Variants in BTD observed in about 807,000 individuals in gnomAD.
BTD encodes biotinidase, also known as biocytinase.
BTD carries 13 observed loss-of-function variants against 17.7 expected under a neutral mutation model. The observed-to-expected ratio is 0.74, with a 90% CI of 0.48 to 1.17. The LOEUF is 1.17. Ranked by LOEUF, BTD falls within the 50% of genes most tolerant of loss-of-function variation. The pLI is 0.00. For missense variants in BTD, 674 were observed against 650.4 expected (o/e 1.04, Z -0.39); for synonymous variants, 240 against 245.2 (o/e 0.98, Z 0.20).
rs375070785 is a variant in BTD at position 15,696,882 on chromosome 3, T to C, written c.400-13178T>C. 1.3e-4 allele frequency among the ~76,000 whole-genome samples: 20 copies of C among 152,218 alleles called. No homozygotes were observed. In the East Asian group the frequency reaches 2.7e-3, roughly 21 times the overall value. ...ACCACTATGGAAAACTGTATGGAGA[T>C]TCCTTAAGGAACAAAAAGTAACACT... On this transcript the variant is annotated intron_variant, in intron 3 of 3. Transcript: ENST00000672141.
intron 3 of BTD, among the ~76,000 whole-genome samples, chr3:15,688,506 T>C (rs1381240601): frequency 6.6e-6 from 1 of 152,224 alleles, no homozygotes; most frequent in Non-Finnish European, 1.5e-5. Flanking sequence ...TCAAACCATA[T>C]AGTAGTGTAT....
downstream of BTD, among the ~76,000 whole-genome samples, chr3:15,657,942 C>T (rs949178162): frequency 2.0e-5 from 3 of 151,804 alleles, no homozygotes; most frequent in African/African-American, 4.8e-5. Context: ...CCGAGGTGGG[C>T]GGATCACTTG....
intron 2 of BTD, among the ~76,000 whole-genome samples, chr3:15,641,674 T>C (rs1197476242): frequency 6.6e-6 from 1 of 152,194 alleles, no homozygotes; most frequent in East Asian, 1.9e-4. Flanking sequence ...CAGGCACAGT[T>C]AATGGTTGTT....
intron 1 of BTD, among the ~76,000 whole-genome samples, chr3:15,619,390 A>G (rs2064883685): frequency 6.6e-6 from 1 of 152,212 alleles, no homozygotes; most frequent in East Asian, 1.9e-4. Context: ...GTACAAACAC[A>G]GCTCACTGCA....
intron 3 of BTD, chr3:15,686,100 C>G: frequency 6.2e-7 from 1 of 1,613,190 alleles, no homozygotes; most frequent in Non-Finnish European, 8.5e-7. Flanking sequence ...CCGTTGAGAA[C>G]AGATAGCATC....
chr3:15,669,762 A>ATT (rs1488772433), intron 3 of BTD: 1 of 152,748 alleles, frequency 6.5e-6, no homozygotes, highest in African/African-American at 2.4e-5. Context: ...GGTTTAGGTA[A>ATT]TGTTTCATTT....
intron 3 of BTD, among the ~76,000 whole-genome samples, chr3:15,706,888 C>A (rs1222600549): frequency 6.6e-6 from 1 of 152,070 alleles, no homozygotes; most frequent in Non-Finnish European, 1.5e-5. Flanking sequence ...TAAATGTCTT[C>A]TTTAGAGAAG....
intron 3 of BTD, among the ~76,000 whole-genome samples, chr3:15,674,495 T>C (rs1258839521): frequency 1.3e-5 from 2 of 152,224 alleles, no homozygotes; most frequent in African/African-American, 2.4e-5. Context: ...AGTTCAGTTC[T>C]GCACATTCTA....
chr3:15,614,241 A>G (rs927620223), intron 1 of BTD, among the ~76,000 whole-genome samples: 3 of 150,710 alleles, frequency 2.0e-5, no homozygotes, highest in Non-Finnish European at 4.4e-5. Flanking sequence ...CTACCACCTC[A>G]GCCTCTTGAG....
Position 15,641,891 on chromosome 3 carries a change from G to T in BTD, c.250-17G>T. 6.4e-7 allele frequency: 1 copy of T among 1,560,906 alleles called. No individual in the cohort carries two copies. Among genetic ancestry groups the T allele is most frequent in the South Asian group, 1.1e-5 (1 of 89,068 alleles). Reference sequence around the variant, plus strand: ...GCCATCTGATAACAGACTATTCTTTGATGTTTTCATTTTCAGGATGTACAG... The same window carrying T: ...GCCATCTGATAACAGACTATTCTTTTATGTTTTCATTTTCAGGATGTACAG... On this transcript the variant is annotated splice_polypyrimidine_tract_variant and intron_variant, in intron 2 of 3. Transcript: ENST00000643237.
chr3:15,719,224 T>C (rs936493352), intron 4 of BTD, among the ~76,000 whole-genome samples: 3 of 152,182 alleles, frequency 2.0e-5, no homozygotes, highest in African/African-American at 7.2e-5. Context: ...ACAGATGGAT[T>C]TGTTGCTGTT....
intron 3 of BTD, among the ~76,000 whole-genome samples, chr3:15,688,245 T>A (rs1407620041): frequency 6.6e-6 from 1 of 152,252 alleles, no homozygotes; most frequent in Non-Finnish European, 1.5e-5. Flanking sequence ...TTAATATTTT[T>A]AAAATGTACT....
intron 4 of BTD, among the ~76,000 whole-genome samples, chr3:15,719,529 CTCTTA>C (rs1475049911): frequency 3.3e-5 from 5 of 152,060 alleles, no homozygotes; most frequent in African/African-American, 1.2e-4. Flanking sequence ...TGCATGTGCT[CTCTTA>C]TAAAATTATA....
At chr3:15,694,945 G>A (rs763619697) in intron 3 of BTD, 3 of 874,200 alleles carry the variant, frequency 3.4e-6, no homozygotes, top group Non-Finnish European at 5.5e-6. Flanking sequence ...TGATTATTAT[G>A]AAAGTATACT....
chr3:15,703,409 T>C (rs903225089), intron 3 of BTD, among the ~76,000 whole-genome samples: 12 of 152,112 alleles, frequency 7.9e-5, no homozygotes, highest in African/African-American at 2.9e-4. Context: ...TATTAGGAGG[T>C]GGGGCCTTTA....
In BTD at chr3:15,653,480, G is replaced by T. The variant is rs929010693; in HGVS notation, c.*7992G>T. Among the ~76,000 whole-genome samples the T allele has an allele frequency of 2.6e-5, 4 of 152,228 alleles. No individual in the cohort carries two copies. Among genetic ancestry groups the T allele is most frequent in the African/African-American group, 9.6e-5 (4 of 41,454 alleles). On this transcript the variant is annotated 3_prime_UTR_variant, in exon 4 of 4. Coordinates refer to ENST00000643237, the MANE Select transcript of BTD (RefSeq NM_001370658.1). ...ACTAATGCACAGCCAGTGTTTCAAC[G>T]TCGCCAACCCAGAAATGTTTTCTCT...
chr3:15,674,174 C>CAAAAAAAAAAAAAAA lies in BTD; in HGVS notation c.399+32127_399+32141dup, dbSNP rs34806568. The stretch of plus-strand genomic sequence containing the variant: ...GCAACAGAGTGAGACCCTGCCTCTT[C>CAAAAAAAAAAAAAAA]AAAAAAAAAAAAAAAAAAAAAAAAG... On this transcript the variant is annotated intron_variant, in intron 3 of 3. Coordinates refer to the BTD transcript ENST00000672141. 2.5e-4 allele frequency among the ~76,000 whole-genome samples: 10 copies of CAAAAAAAAAAAAAAA among 40,284 alleles called. 1 individual carries two copies. Among genetic ancestry groups the CAAAAAAAAAAAAAAA allele is most frequent in the Admixed American group, 4.4e-4 (1 of 2,254 alleles). The allele number at this position is 40,284 out of a possible 152,430, so 26.4% of individuals were successfully genotyped here. A position where few individuals can be genotyped will look rare whatever the true frequency, so the allele number is the denominator to read the frequency against.
intron 3 of BTD, among the ~76,000 whole-genome samples, chr3:15,672,146 A>AT (rs869087310): frequency 0.098 from 13,332 of 136,534 alleles, 692 homozygotes; most frequent in Middle Eastern, 0.12. Flanking sequence ...TAAAAAAAGG[A>AT]TTTTTTTTTT....
chr3:15,642,603 C>T (rs1375501482), intron 3 of BTD, among the ~76,000 whole-genome samples: 2 of 151,878 alleles, frequency 1.3e-5, no homozygotes, highest in South Asian at 2.1e-4. Flanking sequence ...TACAGGCACC[C>T]ACCACCACGC....
Sources: gnomAD v4.1 joint callset for allele counts (sites outside exome capture counted in the v4.1 genomes callset) on GRCh38, gnomAD v4.1.1 for gene constraint, MANE v1.5 for transcripts, NCBI Gene and HGNC (gene_info 2026-07-23, HGNC 2026-07-21) for gene names.